Variants in PCDHGA6 observed in about 807,000 individuals in gnomAD.
The protein encoded by PCDHGA6 is protocadherin gamma subfamily A, 6.
In PCDHGA6, 41 loss-of-function variants were observed where a neutral mutation model predicts 60.6. The ratio of observed to expected loss-of-function variants is 0.68; its 90% CI spans 0.53 to 0.88. PCDHGA6 has a LOEUF of 0.88. Ranked by LOEUF, PCDHGA6 falls within the 40% of genes least tolerant of loss-of-function variation. The pLI, the probability that PCDHGA6 is intolerant of heterozygous loss-of-function variation, is 0.00. For missense variants in PCDHGA6, 1,312 were observed against 1,203.0 expected (o/e 1.09, Z -1.34); for synonymous variants, 594 against 524.4 (o/e 1.13, Z -1.81).
intron 1 of PCDHGA6, chr5:141,433,226 C>G (rs1433770157): frequency 6.6e-7 from 1 of 1,514,890 alleles, no homozygotes; most frequent in Non-Finnish European, 9.0e-7. Context: ...TTTTTAATTG[C>G]TCTGTCTCCC....
rs375127524 is a variant in PCDHGA6, at chr5:141,490,702, C to G, written c.2425-4105C>G. ...AGATCCAGACACTGGGGATAATGCCCGCCTCACCTACTCCATTGTAGGAAA... is the reference window on the plus strand; with the variant it reads ...AGATCCAGACACTGGGGATAATGCCGGCCTCACCTACTCCATTGTAGGAAA... On this transcript the variant is annotated intron_variant, in intron 1 of 3. Coordinates refer to ENST00000517434, the MANE Select transcript of PCDHGA6 (RefSeq NM_018919.3). This position sits in a 1 kb window ranked among gnomAD's most constrained non-coding sequence, Gnocchi z 5.4. The G allele has an allele frequency of 1.2e-6, 2 of 1,614,060 alleles. No homozygotes were observed. Among genetic ancestry groups the G allele is most frequent in the Admixed American group, 1.7e-5 (1 of 60,008 alleles).
intron 1 of PCDHGA6, among the ~76,000 whole-genome samples, chr5:141,444,175 TTTTTTTTTTTTTTG>T (rs2098423325): frequency 7.6e-6 from 1 of 131,192 alleles, no homozygotes; most frequent in African/African-American, 3.0e-5. Flanking sequence ...TTTTTTTTTT[TTTTTTTTTTTTTTG>T]AGATGGAGTT....
intron 1 of PCDHGA6, chr5:141,408,120 C>T (rs1375123891): frequency 3.4e-6 from 5 of 1,475,704 alleles, no homozygotes. Flanking sequence ...TCCTCCTGTC[C>T]TGGGCCGAAT....
Position 141,383,719 on chromosome 5 carries a change from A to C in PCDHGA6, c.2424+7212A>C, listed in dbSNP as rs779948364. The C allele has an allele frequency of 6.2e-6, 10 of 1,613,982 alleles. No individual in the cohort carries two copies. The East Asian group carries it at 2.2e-4, about 36-fold the overall frequency. ...TGCTATCGACCTGGACGAGGGAGTCAATGGGGAAGTGACATATTCTTTTCG... is the reference window on the plus strand; with the variant it reads ...TGCTATCGACCTGGACGAGGGAGTCCATGGGGAAGTGACATATTCTTTTCG... On this transcript the variant is annotated intron_variant, in intron 1 of 3. Transcript: ENST00000517434.
In PCDHGA6 at chr5:141,477,913, T is replaced by G; in HGVS notation, c.2425-16894T>G. ...CACGGGTGGTAGGCTGGGACGCGGA[T>G]GCAGGGCACAATGCCTGGCTCTCCT... On this transcript the variant is annotated intron_variant, in intron 1 of 3. Transcript: ENST00000517434. This position sits in a 1 kb window ranked among gnomAD's most constrained non-coding sequence, Gnocchi z 4.9. 6.2e-7 allele frequency: 1 copy of G among 1,614,190 alleles called. No individual in the cohort carries two copies. Among genetic ancestry groups the G allele is most frequent in the Non-Finnish European group, 8.5e-7 (1 of 1,180,024 alleles).
chr5:141,489,943 A>G lies in PCDHGA6; in HGVS notation c.2425-4864A>G. ...CCTTATCTCTGTCATCGTGCTGGAC[A>G]TCAATGATAATGCTCCAACCTTCCA... On this transcript the variant is annotated intron_variant, in intron 1 of 3. Transcript: ENST00000517434. The surrounding 1 kb of genome is among the most constrained non-coding windows in gnomAD (Gnocchi z 4.5). 5.6e-6 allele frequency: 9 copies of G among 1,614,190 alleles called. No homozygotes were observed. Among genetic ancestry groups the G allele is most frequent in the Non-Finnish European group, 7.6e-6 (9 of 1,180,016 alleles).
chr5:141,396,727 G>T (rs2093426642), intron 1 of PCDHGA6: 1 of 152,114 alleles, frequency 6.6e-6, no homozygotes, highest in Non-Finnish European at 1.5e-5. Flanking sequence ...TACCTGAATT[G>T]ATTGTTGTAA....
rs1015619417 is a variant in PCDHGA6 at position 141,455,526 on chromosome 5, C to T, written c.2425-39281C>T. Among the ~76,000 whole-genome samples the T allele has an allele frequency of 2.0e-5, 3 of 152,106 alleles. 1 individual carries two copies. Among genetic ancestry groups the T allele is most frequent in the South Asian group, 4.1e-4 (2 of 4,826 alleles). ...CATAGGGCTCAGGGGATTGGTTTGA[C>T]CAGGCATATCATTCACGTAGCCCGA... On this transcript the variant is annotated intron_variant, in intron 1 of 3. Coordinates refer to ENST00000517434, the MANE Select transcript of PCDHGA6 (RefSeq NM_018919.3).
chr5:141,432,449 T>C lies in PCDHGA6; in HGVS notation c.2424+55942T>C. 5.6e-6 allele frequency: 9 copies of C among 1,614,220 alleles called. No individual in the cohort carries two copies. The highest frequency in any genetic ancestry group is 7.6e-6 in the Non-Finnish European group (9 of 1,180,038). On this transcript the variant is annotated intron_variant, in intron 1 of 3. Coordinates refer to ENST00000517434, the MANE Select transcript of PCDHGA6 (RefSeq NM_018919.3). The surrounding 1 kb of genome is among the most constrained non-coding windows in gnomAD (Gnocchi z 6.0). The stretch of plus-strand genomic sequence containing the variant: ...GAACGACAATGCGCCCGAGATCCTG[T>C]ACCCCGCCCTCCCCACGGACGGTTC...
chr5:141,405,204 A>G, intron 1 of PCDHGA6: 1 of 1,613,034 alleles, frequency 6.2e-7, no homozygotes. Flanking sequence ...GCTTTCCTAC[A>G]GACCTATTCT....
At chr5:141,448,480 C>A (rs889742803) in intron 1 of PCDHGA6, among the ~76,000 whole-genome samples, 1 of 152,184 alleles carries the variant, frequency 6.6e-6, no homozygotes, top group Admixed American at 6.6e-5. Flanking sequence ...ACCCTTGCTT[C>A]CTCCTGTCCC....
chr5:141,494,882 C>T lies in PCDHGA6; in HGVS notation c.2483+17C>T, dbSNP rs771484301. On this transcript the variant is annotated intron_variant, in intron 2 of 3. Transcript: ENST00000517434. ...CACCAGCGGGTAGGTGACTGATTCT[C>T]CAGCCCACCCTCTTCTCTGCGGCAT... is the stretch of plus-strand genomic sequence containing the variant. 35 of 1,614,128 alleles carry T rather than the reference C, an allele frequency of 2.2e-5. No homozygotes were observed. The highest frequency in any genetic ancestry group is 3.3e-4 in the Middle Eastern group (2 of 6,060).
At chr5:141,392,760 A>C in intron 1 of PCDHGA6, 1 of 1,475,092 alleles carries the variant, frequency 6.8e-7, no homozygotes, top group Non-Finnish European at 9.0e-7. Context: ...GAAACTAAAT[A>C]AGACCCATTT....
At position 141,412,973 on chromosome 5, in the gene PCDHGA6, C is replaced by A. The variant is rs2095594108; in HGVS notation, c.2424+36466C>A. 14 of 528,318 alleles carry A rather than the reference C, an allele frequency of 2.6e-5. No individual in the cohort carries two copies. In the South Asian group the frequency reaches 3.3e-4, roughly 12 times the overall value. The allele number at this position is 528,318 out of a possible 1,614,324, so 32.7% of individuals were successfully genotyped here. A position where few individuals can be genotyped will look rare whatever the true frequency, so the allele number is the denominator to read the frequency against. Reference sequence around the variant, plus strand: ...GCTGTTCACCTACTAGGAGAGAAAACGCAGCCAGAGCTCAATCCGGATTCT... The same window carrying A: ...GCTGTTCACCTACTAGGAGAGAAAAAGCAGCCAGAGCTCAATCCGGATTCT... On this transcript the variant is annotated intron_variant, in intron 1 of 3. Transcript: ENST00000517434.
chr5:141,436,207 A>G (rs544201723), intron 1 of PCDHGA6, among the ~76,000 whole-genome samples: 67 of 152,260 alleles, frequency 4.4e-4, no homozygotes, highest in Non-Finnish European at 7.9e-4. Flanking sequence ...ACATAATAGG[A>G]AAACAAATGA....
intron 1 of PCDHGA6, among the ~76,000 whole-genome samples, chr5:141,481,426 A>G (rs1431602618): frequency 6.6e-6 from 1 of 152,238 alleles, no homozygotes; most frequent in Non-Finnish European, 1.5e-5. Flanking sequence ...TGTGATGATG[A>G]TTGTATCAGT....
At chr5:141,415,982 T>G in intron 1 of PCDHGA6, 1 of 342,492 alleles carries the variant, frequency 2.9e-6, no homozygotes, top group Non-Finnish European at 4.9e-6. Flanking sequence ...AGCAACCCTC[T>G]TGTTCTGAAG....
In PCDHGA6 at chr5:141,376,175, G is replaced by A. The variant is rs551078264; in HGVS notation, c.2092G>A (p.Ala698Thr). Residue 698 changes from alanine (A) to threonine (T), a missense_variant, in exon 1 of 4, where the codon GCC becomes ACC. Coordinates refer to ENST00000517434, the MANE Select transcript of PCDHGA6 (RefSeq NM_018919.3). Reference sequence around the variant, plus strand: ...CACTCTGTACCTGGTGGTGGCGGTGGCCGCGGTCTCCTGCGTCTTCCTGGC... The same window carrying A: ...CACTCTGTACCTGGTGGTGGCGGTGACCGCGGTCTCCTGCGTCTTCCTGGC... Reference protein sequence around the residue: ...DLTLYLVVAVAAVSCVFLAFV... With the variant: ...DLTLYLVVAVTAVSCVFLAFV... 5 of 1,614,148 alleles carry A rather than the reference G, an allele frequency of 3.1e-6. No individual in the cohort carries two copies. The highest frequency in any genetic ancestry group is 1.3e-5 in the African/African-American group (1 of 75,074).
chr5:141,409,729 G>GCAGAGC (rs1178571616), intron 1 of PCDHGA6: 2 of 1,612,966 alleles, frequency 1.2e-6, no homozygotes, highest in African/African-American at 2.7e-5. Context: ...CAGTGAGCGC[G>GCAGAGC]CAGAGCGGGG....
Sources: gnomAD v4.1 joint callset for allele counts (sites outside exome capture counted in the v4.1 genomes callset) on GRCh38, gnomAD v4.1.1 for gene constraint, Gnocchi (gnomAD v3.1) non-coding constraint, MANE v1.5 for transcripts, NCBI Gene and HGNC (gene_info 2026-07-23, HGNC 2026-07-21) for gene names.